The following GAL3ST2 variants were observed in gnomAD, a reference collection of about 807,000 sequenced individuals.
GAL3ST2 encodes the protein galactose-3-O-sulfotransferase 2.
In GAL3ST2, 16 loss-of-function variants were observed where a neutral mutation model predicts 12.9. The ratio of observed to expected loss-of-function variants is 1.24; its 90% CI spans 0.84 to 1.88. The LOEUF (loss-of-function observed/expected upper bound fraction) is 1.88. Among genes scored for constraint, GAL3ST2 ranks in the 40% most tolerant of loss-of-function variants. GAL3ST2 has a pLI of 0.00. For synonymous variants in GAL3ST2, 302 were observed against 273.9 expected (o/e 1.10, Z -1.01); for missense variants, 639 against 571.8 (o/e 1.12, Z -1.20).
Position 241,801,733 on chromosome 2 carries a change from TG to T in GAL3ST2, c.120-44del. 6.3e-7 allele frequency: 1 copy of T among 1,578,488 alleles called. No homozygotes were observed. Among genetic ancestry groups the T allele is most frequent in the Non-Finnish European group, 8.6e-7 (1 of 1,163,804 alleles). On this transcript the variant is annotated intron_variant, in intron 2 of 3. Transcript: ENST00000192314. This position sits in a 1 kb window ranked among gnomAD's most constrained non-coding sequence, Gnocchi z 4.4. ...CTGGGGGTCGCTGTTGGGCGGGGGT[TG>T]GGGCATCTGCACCCTTGCTGAAGGC... is the stretch of plus-strand genomic sequence containing the variant.
In GAL3ST2 at chr2:241,795,624, C is replaced by T. The variant is rs2125194776; in HGVS notation, c.30-3441C>T. Among the ~76,000 whole-genome samples, 1 of 152,340 alleles carries T rather than the reference C, an allele frequency of 6.6e-6. No individual in the cohort carries two copies. The highest frequency in any genetic ancestry group is 2.1e-4 in the South Asian group (1 of 4,830). ...TGTGCGGAGCCGTAAAACTGCCCTT[C>T]CCACCTCGTGCAGCCACTCTCCCGG... On this transcript the variant is annotated intron_variant, in intron 1 of 3. Coordinates refer to ENST00000192314, the MANE Select transcript of GAL3ST2 (RefSeq NM_022134.3). The surrounding 1 kb of genome is among the most constrained non-coding windows in gnomAD (Gnocchi z 4.5).
chr2:241,799,123 T>C lies in GAL3ST2; in HGVS notation c.88T>C (p.Phe30Leu). ...LALTLLLLAG[F>L]LHSDLELDTP... Reference sequence around the variant, plus strand: ...CCTGACTCTGCTCCTGCTGGCCGGATTCCTGCACTCGGACTTAGAGCTGGA... The same window carrying C: ...CCTGACTCTGCTCCTGCTGGCCGGACTCCTGCACTCGGACTTAGAGCTGGA... The change falls in exon 2 of 4, where the codon TTC (phenylalanine) becomes CTC (leucine). Residue 30 changes from phenylalanine to leucine, a missense_variant. Physicochemically the swap from Phe to Leu is conservative, Grantham distance 22. Coordinates refer to ENST00000192314, the MANE Select transcript of GAL3ST2 (RefSeq NM_022134.3). 2 of 1,613,786 alleles carry C rather than the reference T, an allele frequency of 1.2e-6. No individual in the cohort carries two copies. Among genetic ancestry groups the C allele is most frequent in the East Asian group, 4.5e-5 (2 of 44,874 alleles).
At chr2:241,792,560 C>A (rs1699705866) in intron 1 of GAL3ST2, among the ~76,000 whole-genome samples, 1 of 152,096 alleles carries the variant, frequency 6.6e-6, no homozygotes, top group African/African-American at 2.4e-5. Flanking sequence ...TCTTCCTCCC[C>A]CTATTTTCTC....
intron 1 of GAL3ST2, among the ~76,000 whole-genome samples, chr2:241,798,282 C>T (rs563802479): frequency 3.3e-4 from 51 of 152,354 alleles, no homozygotes; most frequent in African/African-American, 1.1e-3. Context: ...CAGGCTCAGT[C>T]ACCCCGGGCT....
chr2:241,790,726 C>T (rs1258473944), intron 1 of GAL3ST2, among the ~76,000 whole-genome samples: 1 of 152,232 alleles, frequency 6.6e-6, no homozygotes, highest in African/African-American at 2.4e-5. Context: ...AATCCACATT[C>T]TATAGAGAAT....
intron 1 of GAL3ST2, among the ~76,000 whole-genome samples, chr2:241,789,652 A>T (rs967411278): frequency 6.6e-6 from 1 of 152,204 alleles, no homozygotes; most frequent in Non-Finnish European, 1.5e-5. Context: ...GAAGCCAAGG[A>T]GGGTGGATCA....
intron 1 of GAL3ST2, among the ~76,000 whole-genome samples, chr2:241,785,092 G>A (rs1699612746): frequency 6.6e-6 from 1 of 151,924 alleles, no homozygotes; most frequent in Non-Finnish European, 1.5e-5. Flanking sequence ...GAATTATTAT[G>A]AGGCTGGATC....
At position 241,801,626 on chromosome 2, in the gene GAL3ST2, A is replaced by T; in HGVS notation, c.120-155A>T. The T allele has an allele frequency of 1.1e-6, 1 of 938,222 alleles. No individual in the cohort carries two copies. Among genetic ancestry groups the T allele is most frequent in the Non-Finnish European group, 1.5e-6 (1 of 648,962 alleles). The allele number at this position is 938,222 out of a possible 1,614,324, so 58.1% of individuals were successfully genotyped here. A position where few individuals can be genotyped will look rare whatever the true frequency, so the allele number is the denominator to read the frequency against. On this transcript the variant is annotated intron_variant, in intron 2 of 3. Coordinates refer to ENST00000192314, the MANE Select transcript of GAL3ST2 (RefSeq NM_022134.3). The surrounding 1 kb of genome is among the most constrained non-coding windows in gnomAD (Gnocchi z 4.4). Reference sequence around the variant, plus strand: ...GTGGAGTGGGGCAAGGATTGGGGCCATGGGTCGGTGCCTACCCAGTTGGCC... The same window carrying T: ...GTGGAGTGGGGCAAGGATTGGGGCCTTGGGTCGGTGCCTACCCAGTTGGCC...
chr2:241,794,159 G>C (rs1436336553), intron 1 of GAL3ST2, among the ~76,000 whole-genome samples: 1 of 151,996 alleles, frequency 6.6e-6, no homozygotes, highest in African/African-American at 2.4e-5. Context: ...TACCACCTAG[G>C]CTGGTCTTGA....
chr2:241,778,990 G>A (rs1049606852), intron 1 of GAL3ST2, among the ~76,000 whole-genome samples: 1 of 152,050 alleles, frequency 6.6e-6, no homozygotes, highest in Non-Finnish European at 1.5e-5. Flanking sequence ...GGGCAGGTTT[G>A]CCCTGAGCAG....
Position 241,800,059 on chromosome 2 carries a change from G to A in GAL3ST2, c.119+905G>A, listed in dbSNP as rs1046537493. Among the ~76,000 whole-genome samples, 14 of 152,230 alleles carry A rather than the reference G, an allele frequency of 9.2e-5. No homozygotes were observed. Among genetic ancestry groups the A allele is most frequent in the African/African-American group, 3.4e-4 (14 of 41,448 alleles). On this transcript the variant is annotated intron_variant, in intron 2 of 3. Coordinates refer to ENST00000192314, the MANE Select transcript of GAL3ST2 (RefSeq NM_022134.3). This position sits in a 1 kb window ranked among gnomAD's most constrained non-coding sequence, Gnocchi z 5.2. ...CTGCATGTGCGTGCCTGGGCACCAG[G>A]GAGAAGGCTGGGGTGATGTGTGGGC...
chr2:241,789,313 CTG>C (rs1699669151), intron 1 of GAL3ST2, among the ~76,000 whole-genome samples: 1 of 151,934 alleles, frequency 6.6e-6, no homozygotes, highest in Admixed American at 6.6e-5. Flanking sequence ...ATGTATATGT[CTG>C]TGTGTGTGTA....
Position 241,804,224 on chromosome 2 carries a change from C to T in GAL3ST2, c.*58C>T, listed in dbSNP as rs1559420295. On this transcript the variant is annotated 3_prime_UTR_variant, in exon 4 of 4. Transcript: ENST00000192314. Reference sequence around the variant, plus strand: ...ACACCAGCTCCTCTCTCCGCCGTCACCGGGGAGGCCGGGGATCCTTGCAGG... The same window carrying T: ...ACACCAGCTCCTCTCTCCGCCGTCATCGGGGAGGCCGGGGATCCTTGCAGG... 7.6e-7 allele frequency: 1 copy of T among 1,310,544 alleles called. No homozygotes were observed. 81.2% of individuals were successfully genotyped at this position (1,310,544 alleles called of 1,614,324 possible).
chr2:241,782,098 CTT>C (rs917513832), intron 1 of GAL3ST2, among the ~76,000 whole-genome samples: 15 of 152,136 alleles, frequency 9.9e-5, no homozygotes, highest in Non-Finnish European at 1.9e-4. Context: ...GCCTTTGTAA[CTT>C]TTATTTAGGA....
chr2:241,803,901 G>T lies in GAL3ST2; in HGVS notation c.932G>T (p.Arg311Leu), dbSNP rs771805845. 57 of 1,413,454 alleles carry T rather than the reference G, an allele frequency of 4.0e-5. No homozygotes were observed. The African/African-American group carries it at 7.9e-4, about 20-fold the overall frequency. 87.6% of individuals were successfully genotyped at this position (1,413,454 alleles called of 1,614,324 possible). The stretch of plus-strand genomic sequence containing the variant: ...CTGCGCGGGGAGGTGGAGCGGCTGC[G>T]CGCCCGGAGGCGCGAACTCGCGAGC... ...RRLRGEVERLRARRRELASLC... is the reference protein window; with the variant it reads ...RRLRGEVERLLARRRELASLC... Residue 311 changes from arginine (R) to leucine (L), a missense_variant, in exon 4 of 4, where the codon CGC becomes CTC. By Grantham distance (102) the Arg-to-Leu change is moderately radical. Transcript: ENST00000192314.
chr2:241,779,814 C>T (rs938792471), intron 1 of GAL3ST2, among the ~76,000 whole-genome samples: 5 of 151,586 alleles, frequency 3.3e-5, no homozygotes, highest in East Asian at 2.0e-4. Context: ...GGAGAAACCC[C>T]GTCTCTACTA....
At chr2:241,788,310 G>A (rs926009021) in intron 1 of GAL3ST2, among the ~76,000 whole-genome samples, 1 of 152,096 alleles carries the variant, frequency 6.6e-6, no homozygotes, top group African/African-American at 2.4e-5. Context: ...ATTTGACCTC[G>A]GCGTGTATAA....
intron 1 of GAL3ST2, among the ~76,000 whole-genome samples, chr2:241,798,234 G>A (rs1699797734): frequency 6.6e-6 from 1 of 152,196 alleles, no homozygotes; most frequent in Admixed American, 6.5e-5. Flanking sequence ...CTCCTCATGT[G>A]GGCCCCGCCT....
intron 1 of GAL3ST2, among the ~76,000 whole-genome samples, chr2:241,786,238 A>G (rs867176779): frequency 6.8e-4 from 104 of 151,910 alleles, no homozygotes; most frequent in African/African-American, 2.5e-3. Context: ...CAGATTTGAT[A>G]AAGTTGGATA....
Sources: gnomAD v4.1 joint callset for allele counts (sites outside exome capture counted in the v4.1 genomes callset) on GRCh38, gnomAD v4.1.1 for gene constraint, Gnocchi (gnomAD v3.1) non-coding constraint, MANE v1.5 for transcripts, NCBI Gene and HGNC (gene_info 2026-07-23, HGNC 2026-07-21) for gene names.